Variants in ANAPC10 observed in about 807,000 individuals in gnomAD.
The protein encoded by ANAPC10 is anaphase-promoting complex subunit 10.
Under a neutral mutation model 22.0 loss-of-function variants are expected in ANAPC10, and 12 were observed. That is an observed-to-expected ratio of 0.55 (90% CI 0.35 to 0.88). The LOEUF (loss-of-function observed/expected upper bound fraction) is 0.88, where lower values mean the gene tolerates loss of function less well. Ranked by LOEUF, ANAPC10 falls within the 40% of genes least tolerant of loss-of-function variation. ANAPC10 has a pLI of 0.01. For synonymous variants in ANAPC10, 65 were observed against 69.5 expected (o/e 0.94, Z 0.32); for missense variants, 188 against 220.9 (o/e 0.85, Z 0.94).
At chr4:145,096,464 TA>T (rs1748539976) in intron 1 of ANAPC10, among the ~76,000 whole-genome samples, 1 of 152,172 alleles carries the variant, frequency 6.6e-6, no homozygotes, top group African/African-American at 2.4e-5. Flanking sequence ...AGCAGTGAGC[TA>T]TAGTAGTCAA....
intron 4 of ANAPC10, among the ~76,000 whole-genome samples, chr4:145,023,355 C>T (rs72718269): frequency 0.017 from 2,659 of 152,268 alleles, 39 homozygotes; most frequent in Non-Finnish European, 0.018. Context: ...ATGGTTGACA[C>T]GGTCCTGCAT....
intron 4 of ANAPC10, among the ~76,000 whole-genome samples, chr4:145,015,776 C>G (rs1578914543): frequency 6.6e-6 from 1 of 152,172 alleles, no homozygotes; most frequent in African/African-American, 2.4e-5. Flanking sequence ...GAGATTAGGG[C>G]CCTATCTTCA....
At chr4:145,014,847 C>T (rs939046838) in intron 4 of ANAPC10, among the ~76,000 whole-genome samples, 1 of 152,158 alleles carries the variant, frequency 6.6e-6, no homozygotes, top group African/African-American at 2.4e-5. Context: ...ACAATCTCTA[C>T]AGCTCGGCTC....
chr4:145,019,969 C>G (rs1029218038), intron 4 of ANAPC10, among the ~76,000 whole-genome samples: 5 of 151,862 alleles, frequency 3.3e-5, no homozygotes, highest in African/African-American at 1.2e-4. Context: ...AAAAAAAGGC[C>G]AGGCCCAGAA....
At chr4:145,015,930 A>T (rs1735053747) in intron 4 of ANAPC10, among the ~76,000 whole-genome samples, 1 of 152,166 alleles carries the variant, frequency 6.6e-6, no homozygotes. Context: ...AGAACTGCTG[A>T]AAGGAGCTCG....
At chr4:145,004,245 T>G (rs1421107207) in intron 4 of ANAPC10, among the ~76,000 whole-genome samples, 2 of 152,046 alleles carry the variant, frequency 1.3e-5, no homozygotes, top group Non-Finnish European at 2.9e-5. Context: ...TGGGGCAGAG[T>G]AACTATGGTG....
chr4:145,080,764 G>A (rs569781081), intron 3 of ANAPC10, among the ~76,000 whole-genome samples: 35 of 151,898 alleles, frequency 2.3e-4, no homozygotes, highest in African/African-American at 8.0e-4. Flanking sequence ...AAAATTAGCC[G>A]GGCGTGGTGG....
At chr4:145,038,614 C>G (rs1738987307) in intron 4 of ANAPC10, among the ~76,000 whole-genome samples, 1 of 152,044 alleles carries the variant, frequency 6.6e-6, no homozygotes, top group Non-Finnish European at 1.5e-5. Flanking sequence ...CATTTGAGGT[C>G]AGGAGTTCGA....
chr4:145,078,338 A>G (rs946224236), intron 3 of ANAPC10, among the ~76,000 whole-genome samples: 10 of 152,206 alleles, frequency 6.6e-5, no homozygotes, highest in African/African-American at 2.4e-4. Context: ...AGATCTCTAC[A>G]AGAATTACAA....
chr4:145,023,047 T>C (rs887034905), intron 4 of ANAPC10, among the ~76,000 whole-genome samples: 2 of 152,076 alleles, frequency 1.3e-5, no homozygotes, highest in African/African-American at 2.4e-5. Flanking sequence ...TACACACCAA[T>C]AGTCAAGTGG....
chr4:145,051,156 G>C (rs1231547671), intron 4 of ANAPC10, among the ~76,000 whole-genome samples: 3 of 152,102 alleles, frequency 2.0e-5, no homozygotes, highest in South Asian at 4.1e-4. Flanking sequence ...AGGCCTAATT[G>C]AATCAAGCCA....
intron 3 of ANAPC10, among the ~76,000 whole-genome samples, chr4:145,065,877 T>A (rs1466559795): frequency 6.6e-6 from 1 of 151,932 alleles, no homozygotes; most frequent in African/African-American, 2.4e-5. Context: ...AATTAACTGT[T>A]TTCGTGGGAT....
intron 4 of ANAPC10, among the ~76,000 whole-genome samples, chr4:145,010,610 G>A (rs1371528482): frequency 1.3e-5 from 2 of 152,072 alleles, no homozygotes; most frequent in Non-Finnish European, 2.9e-5. Context: ...ACTCATAGAT[G>A]GGAATTGAAC....
chr4:145,046,384 T>C (rs1467250660), intron 4 of ANAPC10, among the ~76,000 whole-genome samples: 1 of 152,118 alleles, frequency 6.6e-6, no homozygotes, highest in African/African-American at 2.4e-5. Flanking sequence ...GTCATCCATA[T>C]TATAAAGTCA....
intron 3 of ANAPC10, among the ~76,000 whole-genome samples, chr4:145,075,860 T>C (rs1290932803): frequency 6.6e-6 from 1 of 152,180 alleles, no homozygotes; most frequent in Admixed American, 6.5e-5. Flanking sequence ...CAGCCAGGGA[T>C]GCCTGTCCCT....
At chr4:145,002,969 G>C (rs1013233317) in intron 4 of ANAPC10, among the ~76,000 whole-genome samples, 1 of 152,120 alleles carries the variant, frequency 6.6e-6, no homozygotes, top group African/African-American at 2.4e-5. Context: ...CACCCAGGTA[G>C]TAGGCATAAT....
chr4:145,046,750 C>T (rs943353721), intron 4 of ANAPC10, among the ~76,000 whole-genome samples: 1 of 151,940 alleles, frequency 6.6e-6, no homozygotes, highest in Non-Finnish European at 1.5e-5. Context: ...TGTCCAGTTG[C>T]AACAGAGAAA....
intron 3 of ANAPC10, among the ~76,000 whole-genome samples, chr4:145,066,859 G>T (rs1743775108): frequency 6.6e-6 from 1 of 151,742 alleles, no homozygotes; most frequent in African/African-American, 2.4e-5. Flanking sequence ...ATTAAAAAAT[G>T]TGTCTGTCGA....
At chr4:145,017,510 C>A (rs971135541) in intron 4 of ANAPC10, among the ~76,000 whole-genome samples, 20 of 152,152 alleles carry the variant, frequency 1.3e-4, no homozygotes, top group Admixed American at 9.2e-4. Flanking sequence ...GAACACTTTT[C>A]CACTGTTGGT....
Sources: allele counts gnomAD v4.1 joint callset (sites outside exome capture counted in the v4.1 genomes callset), GRCh38; gene constraint gnomAD v4.1.1; transcripts MANE v1.5; gene names NCBI Gene and HGNC (gene_info 2026-07-23, HGNC 2026-07-21).